Variants in ADAMTS16 observed in about 807,000 individuals in gnomAD.
ADAMTS16 encodes ADAM metallopeptidase with thrombospondin type 1 motif 16.
Under a neutral mutation model 145.8 loss-of-function variants are expected in ADAMTS16, and 94 were observed. That is an observed-to-expected ratio of 0.64 (90% CI 0.55 to 0.77). The LOEUF (loss-of-function observed/expected upper bound fraction) is 0.77. ADAMTS16 is among the 30% of genes least tolerant of loss of function. The pLI is 0.00. For missense variants in ADAMTS16, 1,585 were observed against 1,591.5 expected, an observed-to-expected ratio of 1.00 and a Z score of 0.07; for synonymous variants, 659 against 604.3, an observed-to-expected ratio of 1.09 and a Z score of -1.33.
rs1444228654 is a variant in ADAMTS16 at position 5,166,006 on chromosome 5, T to C, written c.502-16038T>C. Among the ~76,000 whole-genome samples, 3 of 152,142 alleles carry C rather than the reference T, an allele frequency of 2.0e-5. No homozygotes were observed. The East Asian group carries it at 5.8e-4, about 29-fold the overall frequency. On this transcript the variant is annotated intron_variant, in intron 3 of 22. Transcript: ENST00000274181. The stretch of plus-strand genomic sequence containing the variant: ...TTCGGTCATTTTCAACAGCACAGAG[T>C]CCTGCACCCACTTTATCTCCTGTCT...
rs1208041538 is a variant in ADAMTS16 at position 5,235,246 on chromosome 5, GA to G, written c.2023+62del. 8.4e-6 allele frequency: 12 copies of G among 1,423,316 alleles called. No homozygotes were observed. In the African/African-American group the frequency reaches 1.7e-4, roughly 20 times the overall value. The allele number at this position is 1,423,316 out of a possible 1,614,324, so 88.2% of individuals were successfully genotyped here. On this transcript the variant is annotated intron_variant, in intron 13 of 22. Transcript: ENST00000274181. ...TGCTTTACTACCTTTACTTTTTAAA[GA>G]AGTACATGATTGAGAGTGTGGTGCA...
At chr5:5,246,893 T>C (rs1270102119) in intron 17 of ADAMTS16, among the ~76,000 whole-genome samples, 1 of 152,206 alleles carries the variant, frequency 6.6e-6, no homozygotes, top group Non-Finnish European at 1.5e-5. Context: ...CATATGCCCA[T>C]GTGTGACAAT....
rs769052364 is a variant in ADAMTS16, at chr5:5,182,254, C to T, written c.712C>T (p.Leu238Phe). ...ACATCAACCCCTGCACAGCAGCGAC[C>T]TTCGCCTGGGACTGCCACAAAAGCA... Reference protein sequence around the residue: ...LAHQPLHSSDLRLGLPQKQHF... With the variant: ...LAHQPLHSSDFRLGLPQKQHF... The change falls in exon 4 of 23, where the codon CTT becomes TTT. Residue 238 changes from leucine to phenylalanine, a missense_variant. This residue lies in a region of ADAMTS16 where 453 missense variants were observed against 412.1 expected (regional missense o/e 1.10). Coordinates refer to ENST00000274181, the MANE Select transcript of ADAMTS16 (RefSeq NM_139056.4). 8.7e-6 allele frequency: 14 copies of T among 1,614,030 alleles called. No homozygotes were observed. Among genetic ancestry groups the T allele is most frequent in the South Asian group, 5.5e-5 (5 of 91,078 alleles).
At chr5:5,167,787 G>T (rs1024679961) in intron 3 of ADAMTS16, among the ~76,000 whole-genome samples, 2 of 152,348 alleles carry the variant, frequency 1.3e-5, no homozygotes, top group African/African-American at 4.8e-5. Context: ...TGTCTGTGCT[G>T]TTCAGGGTAG....
intron 10 of ADAMTS16, among the ~76,000 whole-genome samples, chr5:5,210,429 A>G (rs778410680): frequency 2.0e-5 from 3 of 152,196 alleles, no homozygotes; most frequent in Non-Finnish European, 4.4e-5. Context: ...AGAGAAACAC[A>G]TTCATTTTAC....
intron 18 of ADAMTS16, among the ~76,000 whole-genome samples, chr5:5,284,097 C>A (rs187389440): frequency 6.4e-4 from 97 of 151,654 alleles, no homozygotes; most frequent in African/African-American, 2.2e-3. Flanking sequence ...CTTTTTTGTA[C>A]CCTTTGGTTA....
chr5:5,178,928 T>C (rs1735266397), intron 3 of ADAMTS16, among the ~76,000 whole-genome samples: 1 of 151,900 alleles, frequency 6.6e-6, no homozygotes, highest in Admixed American at 6.6e-5. Context: ...GCACCAACAC[T>C]CAGGGCTTCA....
chr5:5,189,629 C>G (rs1383222634), intron 6 of ADAMTS16, among the ~76,000 whole-genome samples: 3 of 152,146 alleles, frequency 2.0e-5, no homozygotes, highest in African/African-American at 7.2e-5. Context: ...ATAAATGATT[C>G]TGTGGCTTTA....
At chr5:5,234,533 A>C (rs1579329705) in intron 12 of ADAMTS16, among the ~76,000 whole-genome samples, 1 of 152,174 alleles carries the variant, frequency 6.6e-6, no homozygotes, top group Non-Finnish European at 1.5e-5. Flanking sequence ...AAGGGAGTGC[A>C]ACCTTACCAT....
At chr5:5,303,933 T>A (rs1739909712) in intron 20 of ADAMTS16, 167 bp downstream of exon 20, 2 of 757,462 alleles carry the variant, frequency 2.6e-6, no homozygotes, top group East Asian at 5.4e-5. Context: ...TTGCTTAATC[T>A]CCTTTGGCTT....
intron 3 of ADAMTS16, among the ~76,000 whole-genome samples, chr5:5,161,991 C>T (rs1734752903): frequency 1.3e-5 from 2 of 152,212 alleles, no homozygotes; most frequent in Admixed American, 6.5e-5. Context: ...AACGTTTTCT[C>T]ATCTTTAGTG....
At chr5:5,270,927 C>A (rs1414865751) in intron 18 of ADAMTS16, among the ~76,000 whole-genome samples, 1 of 152,160 alleles carries the variant, frequency 6.6e-6, no homozygotes, top group Non-Finnish European at 1.5e-5. Flanking sequence ...GAGCCACAGC[C>A]CCGAGGGAAT....
At chr5:5,146,725 C>T (rs1175760053) in intron 3 of ADAMTS16, among the ~76,000 whole-genome samples, 5 of 152,162 alleles carry the variant, frequency 3.3e-5, no homozygotes, top group African/African-American at 1.2e-4. Context: ...TGTATAAGAA[C>T]CGCTGGCCAA....
rs756250700 is a variant in ADAMTS16, at chr5:5,140,752, G to C, written c.161G>C (p.Trp54Ser). 13 of 1,564,732 alleles carry C rather than the reference G, an allele frequency of 8.3e-6. No individual in the cohort carries two copies. The South Asian group carries it at 1.5e-4, about 18-fold the overall frequency. Reference protein sequence around the residue: ...RPPPPAERPGWMEKGEYDLVS... With the variant: ...RPPPPAERPGSMEKGEYDLVS... ...CCTCCACCCGCGGAGCGGCCGGGCT[G>C]GATGGAAAAGGGCGGTAAGTCCGTG... The change falls in exon 2 of 23, where the codon TGG (tryptophan) becomes TCG (serine). Residue 54 changes from tryptophan (W) to serine (S), a missense_variant. Trp to Ser is a radical substitution (Grantham distance 177). Coordinates refer to ENST00000274181, the MANE Select transcript of ADAMTS16 (RefSeq NM_139056.4).
intron 18 of ADAMTS16, among the ~76,000 whole-genome samples, chr5:5,294,082 A>C (rs1739436311): frequency 6.6e-6 from 1 of 152,200 alleles, no homozygotes. Flanking sequence ...CGCGCTGGAA[A>C]TACTTCTTCT....
chr5:5,219,835 T>C (rs1368375395), intron 10 of ADAMTS16, among the ~76,000 whole-genome samples: 1 of 152,202 alleles, frequency 6.6e-6, no homozygotes, highest in Non-Finnish European at 1.5e-5. Context: ...CTTTAAAAAG[T>C]TGAAAGCCCA....
chr5:5,220,117 G>A (rs574751769), intron 10 of ADAMTS16, among the ~76,000 whole-genome samples: 3 of 149,916 alleles, frequency 2.0e-5, no homozygotes, highest in Non-Finnish European at 4.4e-5. Context: ...AGCAAGCACT[G>A]TACCAGATAA....
chr5:5,316,735 C>A (rs1364824033), intron 21 of ADAMTS16, among the ~76,000 whole-genome samples: 1 of 152,190 alleles, frequency 6.6e-6, no homozygotes, highest in African/African-American at 2.4e-5. Flanking sequence ...GCAGTGCCCA[C>A]CCTCATGCAT....
Position 5,303,351 on chromosome 5 carries a change from T to C in ADAMTS16, c.2873T>C (p.Val958Ala). 6.3e-7 allele frequency: 1 copy of C among 1,584,536 alleles called. No individual in the cohort carries two copies. The change falls in exon 19 of 23, where the codon GTG becomes GCG. Residue 958 changes from valine to alanine, a missense_variant. This residue lies in a region of ADAMTS16 where 834 missense variants were observed against 811.7 expected (regional missense o/e 1.03). Transcript: ENST00000274181. ...CGCCCCGTGCAGTGCACACGGCGGG[T>C]GCACTATGACTCGGAGCCAGTCCCG... ...QSRPVQCTRR[V>A]HYDSEPVPAS...
Sources: gnomAD v4.1 joint callset for allele counts (sites outside exome capture counted in the v4.1 genomes callset) on GRCh38, gnomAD v4.1.1 for gene constraint, gnomAD v4.1.1 regional missense constraint, MANE v1.5 for transcripts, NCBI Gene and HGNC (gene_info 2026-07-23, HGNC 2026-07-21) for gene names.